The following MYOM3 variants were observed in gnomAD, a reference collection of about 807,000 sequenced individuals.
MYOM3 encodes the protein myomesin 3.
A neutral mutation model predicts 191.7 loss-of-function variants in MYOM3; 155 were observed. That is an observed-to-expected ratio of 0.81 (90% CI 0.71 to 0.92). MYOM3 has a LOEUF of 0.92. Among genes scored for constraint, MYOM3 ranks in the 40% least tolerant of loss-of-function variants. MYOM3 has a pLI of 0.00. For synonymous variants in MYOM3, 757 were observed against 762.9 expected, an observed-to-expected ratio of 0.99 and a Z score of 0.13; for missense variants, 1,889 against 1,890.6, an observed-to-expected ratio of 1.00 and a Z score of 0.02.
intron 2 of MYOM3, 39 bp downstream of exon 2, chr1:24,108,437 A>C: frequency 6.7e-7 from 1 of 1,493,894 alleles, no homozygotes; most frequent in Non-Finnish European, 8.9e-7. Flanking sequence ...GGGCCCTGGG[A>C]ACAGGGCAGT....
At position 24,098,014 on chromosome 1, in the gene MYOM3, G is replaced by A. The variant is rs765035480; in HGVS notation, c.657-3C>T. The A allele has an allele frequency of 6.9e-6, 11 of 1,600,800 alleles. No individual in the cohort carries two copies. Among genetic ancestry groups the A allele is most frequent in the Non-Finnish European group, 8.6e-6 (10 of 1,167,876 alleles). The stretch of plus-strand genomic sequence containing the variant: ...TTGCTGAGTCCTCAATGGCGCATCT[G>A]AAAAGGAGAGAGGGAGAAGTTCCTC... On this transcript the variant is annotated splice_region_variant and splice_polypyrimidine_tract_variant and intron_variant, in intron 6 of 36. Coordinates refer to ENST00000374434, the MANE Select transcript of MYOM3 (RefSeq NM_152372.4).
At chr1:24,099,632 C>G in intron 6 of MYOM3, 48 bp downstream of exon 6, 1 of 1,456,740 alleles carries the variant, frequency 6.9e-7, no homozygotes, top group Non-Finnish European at 9.6e-7. Context: ...CTGGCCTCGG[C>G]GGTGGCAGGG....
intron 36 of MYOM3, among the ~76,000 whole-genome samples, chr1:24,058,499 C>T (rs1643329922): frequency 6.6e-6 from 1 of 152,146 alleles, no homozygotes; most frequent in South Asian, 2.1e-4. Flanking sequence ...CATGTGATTA[C>T]CTTGATGGCT....
In MYOM3 at chr1:24,067,368, CTTTCCT is replaced by C. The variant is rs1557602441; in HGVS notation, c.3356-286_3356-281del. 7.7e-4 allele frequency among the ~76,000 whole-genome samples: 90 copies of C among 116,326 alleles called. 3 individuals carry two copies. The highest frequency in any genetic ancestry group is 1.6e-3 in the African/African-American group (43 of 27,280). The allele number at this position is 116,326 out of a possible 152,430, so 76.3% of individuals were successfully genotyped here. ...TCTTTCTTTCTTTCTTTCTTTCTTT[CTTTCCT>C]TCTTTCTTTCTTTTTCCTTCCTTCC... On this transcript the variant is annotated intron_variant, in intron 27 of 36. Transcript: ENST00000374434.
chr1:24,104,266 A>G (rs1486925299), intron 5 of MYOM3, among the ~76,000 whole-genome samples: 1 of 152,302 alleles, frequency 6.6e-6, no homozygotes, highest in East Asian at 1.9e-4. Flanking sequence ...CTCTCCTGCT[A>G]GACCATAGGC....
rs372691757 is a variant in MYOM3, at chr1:24,094,916, A to T, written c.865T>A (p.Ser289Thr). The change falls in exon 9 of 37, where the codon TCC becomes ACC. Residue 289 changes from serine to threonine, a missense_variant. Transcript: ENST00000374434. Reference sequence around the variant, plus strand: ...TCTTCCGAAAACAAGCATGACAGGGAGAAGGGTTCCTTCTCACGAGCAAAG... The same window carrying T: ...TCTTCCGAAAACAAGCATGACAGGGTGAAGGGTTCCTTCTCACGAGCAAAG... ...PVFAREKEPFSLSCLFSEDVL... is the reference protein window; with the variant it reads ...PVFAREKEPFTLSCLFSEDVL... 1 of 1,614,104 alleles carries T rather than the reference A, an allele frequency of 6.2e-7. No homozygotes were observed.
chr1:24,086,080 A>C (rs1347396127), intron 15 of MYOM3, among the ~76,000 whole-genome samples: 1 of 152,106 alleles, frequency 6.6e-6, no homozygotes, highest in Non-Finnish European at 1.5e-5. Flanking sequence ...TGGGGTCAGG[A>C]TGCAGTTGCA....
rs373886956 is a variant in MYOM3, at chr1:24,058,965, C to G, written c.4009G>C (p.Val1337Leu). 2 of 1,611,994 alleles carry G rather than the reference C, an allele frequency of 1.2e-6. No individual in the cohort carries two copies. The highest frequency in any genetic ancestry group is 1.7e-6 in the Non-Finnish European group (2 of 1,179,270). ...GTGGCCACATCCGGCAGACCTCTCA[C>G]CACTTTGGCACGATCTGGAAGGGAA... ...AIIEKNRAKVVRGLPDVATIM... is the reference protein window; with the variant it reads ...AIIEKNRAKVLRGLPDVATIM... The change falls in exon 36 of 37, where the codon GTG becomes CTG. Residue 1337 changes from valine (V) to leucine (L), a missense_variant. Val to Leu is a conservative substitution (Grantham distance 32). Transcript: ENST00000374434.
intron 29 of MYOM3, 65 bp downstream of exon 29, chr1:24,065,826 C>T (rs764598633): frequency 6.4e-6 from 8 of 1,241,128 alleles, no homozygotes; most frequent in Non-Finnish European, 8.3e-6. Flanking sequence ...CAGCCCAGAG[C>T]TCTTGGCCCT....
intron 5 of MYOM3, among the ~76,000 whole-genome samples, chr1:24,101,223 T>G (rs1643929316): frequency 6.6e-6 from 1 of 152,126 alleles, no homozygotes; most frequent in Non-Finnish European, 1.5e-5. Flanking sequence ...GGGCTGCCTC[T>G]CCAGTAGTGA....
At chr1:24,098,271 C>G (rs1557615571) in intron 6 of MYOM3, among the ~76,000 whole-genome samples, 1 of 152,202 alleles carries the variant, frequency 6.6e-6, no homozygotes, top group East Asian at 1.9e-4. Context: ...TATGACATGC[C>G]ACATTGCAGT....
intron 10 of MYOM3, among the ~76,000 whole-genome samples, 188 bp from the exon 11 acceptor site, chr1:24,092,503 A>G (rs1179005854): frequency 6.6e-6 from 1 of 152,022 alleles, no homozygotes; most frequent in Non-Finnish European, 1.5e-5. Flanking sequence ...TGACAGTACC[A>G]TTTCTTGGGG....
chr1:24,099,571 G>A (rs1400894644), intron 6 of MYOM3, 109 bp downstream of exon 6: 2 of 830,446 alleles, frequency 2.4e-6, no homozygotes, highest in Non-Finnish European at 4.1e-6. Context: ...AGAGACTTCT[G>A]AAGGAGGTGA....
chr1:24,106,180 A>C (rs1643981981), intron 4 of MYOM3, 103 bp from the exon 5 acceptor site: 1 of 1,324,350 alleles, frequency 7.6e-7, no homozygotes, highest in East Asian at 2.5e-5. Flanking sequence ...AGTTAGACCC[A>C]CATGGGCTGG....
intron 16 of MYOM3, chr1:24,083,830 A>G (rs1450015977): frequency 6.6e-6 from 1 of 152,650 alleles, no homozygotes; most frequent in Non-Finnish European, 1.5e-5. Flanking sequence ...GCCATTTACT[A>G]AGCTACAAGG....
rs866401775 is a variant in MYOM3, at chr1:24,076,607, G to A, written c.2587-334C>T. 7.5e-3 allele frequency among the ~76,000 whole-genome samples: 568 copies of A among 76,056 alleles called. 80 individuals are homozygous for A. Among genetic ancestry groups the A allele is most frequent in the African/African-American group, 0.025 (539 of 21,862 alleles). The allele number at this position is 76,056 out of a possible 152,430, so 49.9% of individuals were successfully genotyped here. On this transcript the variant is annotated intron_variant, in intron 20 of 36. Coordinates refer to ENST00000374434, the MANE Select transcript of MYOM3 (RefSeq NM_152372.4). Reference sequence around the variant, plus strand: ...CGGCTCATTGCAAGCTCCACCTCCCGGGTTCACGCCATTCTCCTGCCTCAG... The same window carrying A: ...CGGCTCATTGCAAGCTCCACCTCCCAGGTTCACGCCATTCTCCTGCCTCAG...
At chr1:24,094,628 C>G (rs1464623496) in intron 9 of MYOM3, among the ~76,000 whole-genome samples, 1 of 152,194 alleles carries the variant, frequency 6.6e-6, no homozygotes, top group African/African-American at 2.4e-5. Flanking sequence ...TACCCCAGCC[C>G]TAACCCAGGG....
rs1308916739 is a variant in MYOM3 at position 24,063,688 on chromosome 1, G to T, written c.3623-158C>A. Among the ~76,000 whole-genome samples the T allele has an allele frequency of 6.6e-6, 1 of 152,114 alleles. No homozygotes were observed. Among genetic ancestry groups the T allele is most frequent in the East Asian group, 1.9e-4 (1 of 5,184 alleles). ...GACTCTCATAGCTTGGGGATAGGAGGGGGTTCAGGGCACTCAGCAATGGGG... is the reference window on the plus strand; with the variant it reads ...GACTCTCATAGCTTGGGGATAGGAGTGGGTTCAGGGCACTCAGCAATGGGG... On this transcript the variant is annotated intron_variant, in intron 30 of 36. Coordinates refer to ENST00000374434, the MANE Select transcript of MYOM3 (RefSeq NM_152372.4). The surrounding 1 kb of genome is among the most constrained non-coding windows in gnomAD (Gnocchi z 4.5).
At chr1:24,072,184 G>A (rs544962838) in intron 23 of MYOM3, among the ~76,000 whole-genome samples, 171 bp from the exon 24 acceptor site, 18 of 152,324 alleles carry the variant, frequency 1.2e-4, no homozygotes, top group African/African-American at 4.3e-4. Flanking sequence ...AGTACTGTGA[G>A]CCTTTGCCCT....
Sources: gnomAD v4.1 joint callset for allele counts (sites outside exome capture counted in the v4.1 genomes callset) on GRCh38, gnomAD v4.1.1 for gene constraint, Gnocchi (gnomAD v3.1) non-coding constraint, MANE v1.5 for transcripts, NCBI Gene and HGNC (gene_info 2026-07-23, HGNC 2026-07-21) for gene names.